DCC: variants seen among roughly 807,000 people sequenced by gnomAD.
DCC encodes the protein DCC netrin 1 receptor, also known as netrin receptor DCC.
Under a neutral mutation model 172.5 loss-of-function variants are expected in DCC, and 58 were observed. That is an observed-to-expected ratio of 0.34 (90% CI 0.27 to 0.42). The LOEUF is 0.42. DCC is among the 10% of genes least tolerant of loss of function. The pLI, the probability that DCC is intolerant of heterozygous loss-of-function variation, is 1.00. For synonymous variants in DCC, 709 were observed against 644.5 expected (o/e 1.10, Z -1.52); for missense variants, 1,740 against 1,791.0 (o/e 0.97, Z 0.51).
intron 12 of DCC, among the ~76,000 whole-genome samples, chr18:53,218,727 A>G (rs979944106): frequency 6.6e-6 from 1 of 152,180 alleles, no homozygotes; most frequent in Non-Finnish European, 1.5e-5. Flanking sequence ...ATAATGGTTT[A>G]TGAAATGGAC....
At chr18:52,732,778 TAAC>T in intron 1 of DCC, among the ~76,000 whole-genome samples, 1 of 152,270 alleles carries the variant, frequency 6.6e-6, no homozygotes, top group South Asian at 2.1e-4. Flanking sequence ...AAAATCAACA[TAAC>T]AATAATCAGG....
At chr18:52,415,101 T>C (rs966150940) in intron 1 of DCC, among the ~76,000 whole-genome samples, 4 of 152,256 alleles carry the variant, frequency 2.6e-5, no homozygotes, top group Admixed American at 1.3e-4. Context: ...ATTTTTTCAT[T>C]ATCATTGTAC....
chr18:53,517,380 A>G (rs1212034478), intron 27 of DCC, among the ~76,000 whole-genome samples: 1 of 151,826 alleles, frequency 6.6e-6, no homozygotes, highest in Non-Finnish European at 1.5e-5. Context: ...GCGCACCAGC[A>G]TGGCACATGT....
intron 2 of DCC, among the ~76,000 whole-genome samples, chr18:52,813,688 G>A (rs1479061129): frequency 6.6e-6 from 1 of 152,212 alleles, no homozygotes; most frequent in Non-Finnish European, 1.5e-5. Context: ...TAACAGTTGA[G>A]TCAGTCAACT....
At chr18:52,694,019 C>A (rs973335825) in intron 1 of DCC, among the ~76,000 whole-genome samples, 1 of 151,762 alleles carries the variant, frequency 6.6e-6, no homozygotes, top group Non-Finnish European at 1.5e-5. Context: ...AACAGAACAC[C>A]CCAGAAGCCA....
At chr18:53,502,974 A>G (rs771921632) in intron 27 of DCC, among the ~76,000 whole-genome samples, 4 of 152,002 alleles carry the variant, frequency 2.6e-5, no homozygotes, top group East Asian at 3.9e-4. Flanking sequence ...TAAGCCCTGC[A>G]TGCATTAGCT....
intron 15 of DCC, among the ~76,000 whole-genome samples, chr18:53,355,521 A>T (rs1038658389): frequency 6.6e-6 from 1 of 152,062 alleles, no homozygotes; most frequent in Non-Finnish European, 1.5e-5. Context: ...TAGGTATTTC[A>T]TTCTCTTTGA....
At chr18:53,257,146 T>C (rs942037757) in intron 12 of DCC, among the ~76,000 whole-genome samples, 5 of 152,212 alleles carry the variant, frequency 3.3e-5, no homozygotes, top group African/African-American at 1.2e-4. Context: ...TGTACAATCA[T>C]GTCATCTGCA....
intron 1 of DCC, among the ~76,000 whole-genome samples, chr18:52,577,888 C>A (rs560168997): frequency 6.6e-6 from 1 of 152,222 alleles, no homozygotes; most frequent in South Asian, 2.1e-4. Context: ...AGTTGGACAG[C>A]GATTTAGTGA....
intron 1 of DCC, among the ~76,000 whole-genome samples, chr18:52,490,190 A>G (rs758260604): frequency 1.3e-5 from 2 of 152,144 alleles, no homozygotes; most frequent in Non-Finnish European, 2.9e-5. Context: ...ATATACTAAT[A>G]GACCTGGCAA....
rs371728523 is a variant in DCC, at chr18:53,166,087, C to T, written c.1418+8575C>T. 8.5e-5 allele frequency among the ~76,000 whole-genome samples: 13 copies of T among 152,058 alleles called. 1 individual carries two copies. The East Asian group carries it at 2.5e-3, about 29-fold the overall frequency. The stretch of plus-strand genomic sequence containing the variant: ...GGGTATGTCAGTGGAGATGGAGCAG[C>T]AGAGAGAACTTTGTAGATATTTAGG... On this transcript the variant is annotated intron_variant, in intron 8 of 28. Coordinates refer to ENST00000442544, the MANE Select transcript of DCC (RefSeq NM_005215.4).
chr18:52,801,780 A>T (rs957800079), intron 2 of DCC, among the ~76,000 whole-genome samples: 1 of 152,344 alleles, frequency 6.6e-6, no homozygotes, highest in Middle Eastern at 3.4e-3. Flanking sequence ...TGCTGTAATT[A>T]GGCTTTAAAC....
At chr18:52,443,228 T>C (rs1163523913) in intron 1 of DCC, among the ~76,000 whole-genome samples, 1 of 152,172 alleles carries the variant, frequency 6.6e-6, no homozygotes, top group Non-Finnish European at 1.5e-5. Context: ...TGTAATTAGA[T>C]TCATTGGATG....
intron 10 of DCC, among the ~76,000 whole-genome samples, chr18:53,207,457 T>C (rs527740605): frequency 2.0e-5 from 3 of 152,304 alleles, no homozygotes; most frequent in African/African-American, 7.2e-5. Context: ...AATTGGAACT[T>C]AATGACTGTA....
intron 7 of DCC, among the ~76,000 whole-genome samples, chr18:53,068,799 A>ATGTGTGTGTGTGTGTGTGTT (rs2042611603): frequency 2.1e-5 from 3 of 142,684 alleles, no homozygotes; most frequent in Admixed American, 2.1e-4. Context: ...GTGTGTGTGT[A>ATGTGTGTGTGTGTGTGTGTT]TGTGTATGTG....
At position 53,160,481 on chromosome 18, in the gene DCC, C is replaced by T. The variant is rs554517903; in HGVS notation, c.1418+2969C>T. On this transcript the variant is annotated intron_variant, in intron 8 of 28. Transcript: ENST00000442544. The stretch of plus-strand genomic sequence containing the variant: ...TTTGCTGACTTGCATCAATGTTTTG[C>T]CTGCTACTCTCATTTCATATTACTT... Among the ~76,000 whole-genome samples, 4 of 152,276 alleles carry T rather than the reference C, an allele frequency of 2.6e-5. No individual in the cohort carries two copies. In the South Asian group the frequency reaches 8.3e-4, roughly 32 times the overall value.
chr18:53,084,219 G>A (rs944644532), intron 7 of DCC, among the ~76,000 whole-genome samples: 1 of 152,096 alleles, frequency 6.6e-6, no homozygotes, highest in South Asian at 2.1e-4. Flanking sequence ...TGCTAGCTCA[G>A]GTGTTTCTTC....
chr18:52,984,892 A>G (rs1364491081), intron 5 of DCC, among the ~76,000 whole-genome samples: 1 of 152,234 alleles, frequency 6.6e-6, no homozygotes, highest in South Asian at 2.1e-4. Flanking sequence ...TTATTTGACT[A>G]TGACTTTCCA....
chr18:53,137,144 C>T (rs1221348998), intron 7 of DCC, among the ~76,000 whole-genome samples: 1 of 152,194 alleles, frequency 6.6e-6, no homozygotes, highest in African/African-American at 2.4e-5. Context: ...AGCAACTTAA[C>T]ATAACACACA....
Sources: allele counts gnomAD v4.1 joint callset (sites outside exome capture counted in the v4.1 genomes callset), GRCh38; gene constraint gnomAD v4.1.1; transcripts MANE v1.5; gene names NCBI Gene and HGNC (gene_info 2026-07-23, HGNC 2026-07-21).